DPP6: variants seen among roughly 807,000 people sequenced by gnomAD.
DPP6 encodes dipeptidyl peptidase like 6, also known as A-type potassium channel modulatory protein DPP6.
In DPP6, 69 loss-of-function variants were observed where a neutral mutation model predicts 122.6. That is an observed-to-expected ratio of 0.56 (90% CI 0.46 to 0.69). The LOEUF (loss-of-function observed/expected upper bound fraction) is 0.69, where lower values mean the gene tolerates loss of function less well. Among genes scored for constraint, DPP6 ranks in the 30% least tolerant of loss-of-function variants. The pLI is 0.00. For missense variants in DPP6, 928 were observed against 1,116.9 expected (o/e 0.83, Z 2.41); for synonymous variants, 418 against 433.1 (o/e 0.97, Z 0.43).
At chr7:153,794,772 A>G in the DPP6 span, among the ~76,000 whole-genome samples, 1 of 152,258 alleles carries the variant, frequency 6.6e-6, no homozygotes, top group South Asian at 2.1e-4. Flanking sequence ...ACCCAGGAGG[A>G]GGTAATTAAA....
At chr7:154,543,815 G>A (rs1264025220) in intron 4 of DPP6, among the ~76,000 whole-genome samples, 3 of 151,962 alleles carry the variant, frequency 2.0e-5, no homozygotes, top group Non-Finnish European at 2.9e-5. Context: ...CCAATGTGGT[G>A]AAACCCCATC....
intron 17 of DPP6, among the ~76,000 whole-genome samples, chr7:154,866,313 A>G (rs1268376343): frequency 6.6e-6 from 1 of 152,220 alleles, no homozygotes; most frequent in Admixed American, 6.5e-5. Context: ...GTGTGCCTGG[A>G]GCATTGCATT....
intron 7 of DPP6, among the ~76,000 whole-genome samples, chr7:154,686,968 C>A (rs1210628239): frequency 3.9e-5 from 6 of 152,154 alleles, no homozygotes; most frequent in Non-Finnish European, 2.9e-5. Flanking sequence ...CCAACCACTC[C>A]TCTGAATTTT....
chr7:154,112,189 C>T (rs1388719942), intron 1 of DPP6, among the ~76,000 whole-genome samples: 3 of 152,030 alleles, frequency 2.0e-5, no homozygotes, highest in Admixed American at 2.0e-4. Context: ...TATGGTGAAA[C>T]CATCACCAAT....
At chr7:154,399,497 C>T (rs977061200) in intron 1 of DPP6, among the ~76,000 whole-genome samples, 4 of 152,146 alleles carry the variant, frequency 2.6e-5, no homozygotes, top group Non-Finnish European at 4.4e-5. Context: ...TGAAATGAGG[C>T]AGTCATATAT....
rs1379656813 is a variant in DPP6, at chr7:154,282,638, C to T, written c.244-163576C>T. Among the ~76,000 whole-genome samples the T allele has an allele frequency of 6.6e-6, 1 of 152,096 alleles. No individual in the cohort carries two copies. The highest frequency in any genetic ancestry group is 1.5e-5 in the Non-Finnish European group (1 of 68,006). ...TGTCTCCTTTGAGTTGCTATCAAAT[C>T]GCATATGTTGCATGCTTACTTGAAA... On this transcript the variant is annotated intron_variant, in intron 1 of 25. Coordinates refer to ENST00000377770, the MANE Select transcript of DPP6 (RefSeq NM_130797.4). This position sits in a 1 kb window ranked among gnomAD's most constrained non-coding sequence, Gnocchi z 4.8.
chr7:154,829,719 G>A (rs1047476940), intron 16 of DPP6, among the ~76,000 whole-genome samples: 22 of 152,136 alleles, frequency 1.4e-4, no homozygotes, highest in Non-Finnish European at 1.3e-4. Context: ...GGAACTTTGA[G>A]GTTCCTGTGA....
chr7:154,567,221 C>T (rs1212806039), intron 5 of DPP6, among the ~76,000 whole-genome samples: 1 of 152,106 alleles, frequency 6.6e-6, no homozygotes, highest in East Asian at 1.9e-4. Flanking sequence ...ATTTTTCTGG[C>T]TGTTTTCTCA....
chr7:153,862,142 A>G, the DPP6 span, among the ~76,000 whole-genome samples: 338 of 152,332 alleles, frequency 2.2e-3, 2 homozygotes, highest in African/African-American at 7.7e-3. Context: ...AAAGCAGGGG[A>G]AAAGAATGAC....
intron 1 of DPP6, among the ~76,000 whole-genome samples, chr7:153,923,328 G>A (rs1296828322): frequency 1.3e-5 from 2 of 152,196 alleles, no homozygotes; most frequent in African/African-American, 2.4e-5. Flanking sequence ...ATTATGGTAT[G>A]TGTATGTGCA....
chr7:154,503,656 C>T (rs544842621), intron 3 of DPP6, among the ~76,000 whole-genome samples: 13 of 145,286 alleles, frequency 8.9e-5, no homozygotes, highest in African/African-American at 3.0e-4. Context: ...CTGTGACCCT[C>T]ATAGCCACAA....
chr7:153,763,190 T>C, the DPP6 span, among the ~76,000 whole-genome samples: 1 of 152,098 alleles, frequency 6.6e-6, no homozygotes, highest in African/African-American at 2.4e-5. Context: ...CCTTTCCAAC[T>C]CTCAGTGTTC....
At chr7:154,591,431 G>A (rs983669675) in intron 5 of DPP6, among the ~76,000 whole-genome samples, 1 of 152,172 alleles carries the variant, frequency 6.6e-6, no homozygotes, top group African/African-American at 2.4e-5. Context: ...TAACAAGGAC[G>A]ATGATGAAAA....
At chr7:154,429,365 C>T (rs879750154) in intron 1 of DPP6, among the ~76,000 whole-genome samples, 4 of 152,198 alleles carry the variant, frequency 2.6e-5, no homozygotes, top group Non-Finnish European at 4.4e-5. Flanking sequence ...ACCCAACCCA[C>T]GTCTGCCAAG....
intron 16 of DPP6, among the ~76,000 whole-genome samples, chr7:154,835,419 C>T (rs557344059): frequency 3.3e-5 from 5 of 152,288 alleles, no homozygotes; most frequent in African/African-American, 9.6e-5. Context: ...TTAAGCTGCC[C>T]GGTCTGTGGG....
At chr7:153,989,624 G>A (rs1797052380) in intron 1 of DPP6, among the ~76,000 whole-genome samples, 1 of 151,986 alleles carries the variant, frequency 6.6e-6, no homozygotes, top group South Asian at 2.1e-4. Context: ...CTCACAGCTG[G>A]GGCGAGTCCC....
chr7:153,988,343 C>T (rs1216986100), intron 1 of DPP6, among the ~76,000 whole-genome samples: 2 of 139,620 alleles, frequency 1.4e-5, no homozygotes, highest in African/African-American at 5.5e-5. Context: ...GGATGGCCCT[C>T]CTGGTTGCGA....
At chr7:153,792,895 G>A in the DPP6 span, among the ~76,000 whole-genome samples, 1 of 152,088 alleles carries the variant, frequency 6.6e-6, no homozygotes, top group African/African-American at 2.4e-5. Context: ...GATCTGATGG[G>A]TTTATCAGGG....
chr7:154,722,782 T>C (rs1841884649), intron 7 of DPP6, among the ~76,000 whole-genome samples: 1 of 151,962 alleles, frequency 6.6e-6, no homozygotes, highest in Non-Finnish European at 1.5e-5. Flanking sequence ...TCTCAGGAAC[T>C]CAGAGGAGCC....
Sources: allele counts gnomAD v4.1 joint callset (sites outside exome capture counted in the v4.1 genomes callset), GRCh38; gene constraint gnomAD v4.1.1; non-coding constraint Gnocchi (gnomAD v3.1); transcripts MANE v1.5; gene names NCBI Gene and HGNC (gene_info 2026-07-23, HGNC 2026-07-21).